FRMD4B: variants seen among roughly 807,000 people sequenced by gnomAD.
FRMD4B encodes FERM domain-containing protein 4B.
In FRMD4B, 74 loss-of-function variants were observed where a neutral mutation model predicts 141.5. The ratio of observed to expected loss-of-function variants is 0.52; its 90% CI spans 0.43 to 0.63. FRMD4B has a LOEUF of 0.63. Ranked by LOEUF, FRMD4B falls within the 30% of genes least tolerant of loss-of-function variation. The probability of loss-of-function intolerance (pLI) is 0.00; values close to 1 mark genes in which losing one functional copy is unlikely to be tolerated. For synonymous variants in FRMD4B, 506 were observed against 467.9 expected, an observed-to-expected ratio of 1.08 and a Z score of -1.05; for missense variants, 1,366 against 1,253.4, an observed-to-expected ratio of 1.09 and a Z score of -1.36.
intron 9 of FRMD4B, among the ~76,000 whole-genome samples, chr3:69,219,272 C>G (rs759643436): frequency 5.3e-5 from 8 of 151,922 alleles, no homozygotes; most frequent in Admixed American, 5.3e-4. Flanking sequence ...TTGGGGTGGA[C>G]TAAATTTTGT....
At chr3:69,249,847 C>T (rs1426480519) in intron 6 of FRMD4B, among the ~76,000 whole-genome samples, 196 bp downstream of exon 6, 1 of 152,136 alleles carries the variant, frequency 6.6e-6, no homozygotes, top group Non-Finnish European at 1.5e-5. Flanking sequence ...TTCTTTGAGA[C>T]TCACAATATC....
chr3:69,362,702 C>CA (rs1021201463), intron 1 of FRMD4B, among the ~76,000 whole-genome samples: 23 of 62,898 alleles, frequency 3.7e-4, no homozygotes, highest in Middle Eastern at 7.4e-3. Context: ...AAAAGCCAAC[C>CA]CCCCCCCCAA....
chr3:69,441,987 GC>G lies in FRMD4B; in HGVS notation c.-128-9227del, dbSNP rs375036509. ...GGCCCATTTCTACTCCTAAGAGATAGCTATTAAGTTTATTTGCATAAATCCA... is the reference window on the plus strand; with the variant it reads ...GGCCCATTTCTACTCCTAAGAGATAGTATTAAGTTTATTTGCATAAATCCA... On this transcript the variant is annotated intron_variant, in intron 1 of 5. Coordinates refer to the FRMD4B transcript ENST00000459638. Among the ~76,000 whole-genome samples the G allele has an allele frequency of 1.2e-3, 180 of 152,236 alleles. 1 individual carries two copies. The highest frequency in any genetic ancestry group is 4.0e-3 in the African/African-American group (167 of 41,532).
intron 19 of FRMD4B, among the ~76,000 whole-genome samples, chr3:69,187,552 AAT>A (rs1553696409): frequency 4.9e-5 from 7 of 143,596 alleles, no homozygotes; most frequent in African/African-American, 1.8e-4. Flanking sequence ...AAAAAAAAAA[AAT>A]ATATATATAT....
chr3:69,358,358 C>T (rs1703383572), intron 1 of FRMD4B, among the ~76,000 whole-genome samples: 1 of 152,174 alleles, frequency 6.6e-6, no homozygotes, highest in Non-Finnish European at 1.5e-5. Flanking sequence ...AGGAATCCCA[C>T]ATTTTCATTT....
chr3:69,203,483 G>T lies in FRMD4B; in HGVS notation c.877-4709C>A, dbSNP rs115003828. On this transcript the variant is annotated intron_variant, in intron 11 of 22. Coordinates refer to ENST00000398540, the MANE Select transcript of FRMD4B (RefSeq NM_015123.3). ...TTCCATCAACAGATATTTCTTGAGT[G>T]CCGTGTATGTTTGAGGTCTTGTTCT... Among the ~76,000 whole-genome samples, 737 of 152,246 alleles carry T rather than the reference G, an allele frequency of 4.8e-3. 9 individuals carry two copies. The highest frequency in any genetic ancestry group is 0.017 in the African/African-American group (709 of 41,552).
At position 69,499,691 on chromosome 3, in the gene FRMD4B, CAGAG is replaced by C. The variant is rs149911069; in HGVS notation, c.-129+42511_-129+42514del. On this transcript the variant is annotated intron_variant, in intron 1 of 5. Coordinates refer to the FRMD4B transcript ENST00000459638. ...ATTCTATCTGCAGAGAGCAGGAAGACAGAGAGAGAGAGAGAGAGAGAGATGGATT... is the reference window on the plus strand; with the variant it reads ...ATTCTATCTGCAGAGAGCAGGAAGACAGAGAGAGAGAGAGAGAGATGGATT... Among the ~76,000 whole-genome samples the C allele has an allele frequency of 8.0e-5, 12 of 149,436 alleles. 1 individual carries two copies. Among genetic ancestry groups the C allele is most frequent in the African/African-American group, 1.5e-4 (6 of 40,832 alleles).
At chr3:69,484,856 C>A (rs888506108) in intron 1 of FRMD4B, among the ~76,000 whole-genome samples, 1 of 152,160 alleles carries the variant, frequency 6.6e-6, no homozygotes, top group East Asian at 1.9e-4. Context: ...TGTGCTAACT[C>A]GTCCATGGGC....
intron 2 of FRMD4B, among the ~76,000 whole-genome samples, chr3:69,413,508 C>A (rs1357609672): frequency 1.3e-5 from 2 of 152,192 alleles, no homozygotes; most frequent in African/African-American, 2.4e-5. Flanking sequence ...AATACTTTCC[C>A]ACTATAGTGC....
intron 11 of FRMD4B, among the ~76,000 whole-genome samples, chr3:69,207,605 C>T (rs1017093105): frequency 4.6e-5 from 7 of 151,980 alleles, no homozygotes; most frequent in South Asian, 2.1e-4. Context: ...GTCAAGAGAT[C>T]GAAACCATCT....
intron 1 of FRMD4B, among the ~76,000 whole-genome samples, chr3:69,497,585 G>GTAA (rs970224266): frequency 2.0e-5 from 3 of 152,008 alleles, no homozygotes; most frequent in Admixed American, 6.6e-5. Context: ...AATAATAATA[G>GTAA]TAATAATAAT....
At chr3:69,452,106 A>C (rs560859847) in intron 1 of FRMD4B, among the ~76,000 whole-genome samples, 66 of 152,394 alleles carry the variant, frequency 4.3e-4, no homozygotes, top group African/African-American at 1.5e-3. Flanking sequence ...AGGAGGAAGA[A>C]GCATCATCAT....
intron 2 of FRMD4B, among the ~76,000 whole-genome samples, chr3:69,404,349 T>C (rs984702513): frequency 1.8e-4 from 28 of 152,354 alleles, no homozygotes; most frequent in African/African-American, 6.7e-4. Context: ...TCCAGAGGAT[T>C]CTTTCATAGT....
chr3:69,424,728 A>T (rs1321829851), intron 2 of FRMD4B, among the ~76,000 whole-genome samples: 11 of 152,224 alleles, frequency 7.2e-5, no homozygotes, highest in Admixed American at 7.2e-4. Context: ...ATATATGTTG[A>T]CTACCTTAAA....
chr3:69,344,332 G>T (rs1347249990), intron 1 of FRMD4B, among the ~76,000 whole-genome samples: 1 of 152,136 alleles, frequency 6.6e-6, no homozygotes, highest in Non-Finnish European at 1.5e-5. Context: ...TGGAAAGGAA[G>T]AAAGAAGGGG....
At chr3:69,236,848 C>T (rs930374467) in intron 7 of FRMD4B, among the ~76,000 whole-genome samples, 2 of 152,184 alleles carry the variant, frequency 1.3e-5, no homozygotes, top group South Asian at 4.1e-4. Flanking sequence ...AAGCAGAAAG[C>T]TAGAGCTCAA....
At chr3:69,451,080 A>T (rs1705489880) in intron 1 of FRMD4B, among the ~76,000 whole-genome samples, 2 of 151,980 alleles carry the variant, frequency 1.3e-5, no homozygotes, top group South Asian at 4.2e-4. Context: ...CCCTCCTTCC[A>T]CTCCGAGCCT....
At chr3:69,379,858 G>A (rs1704069182) in intron 1 of FRMD4B, among the ~76,000 whole-genome samples, 1 of 152,222 alleles carries the variant, frequency 6.6e-6, no homozygotes, top group African/African-American at 2.4e-5. Flanking sequence ...GGATGAGCCT[G>A]GCTGTGAGCC....
chr3:69,225,519 CAAAAAA>C (rs35855787), intron 7 of FRMD4B, among the ~76,000 whole-genome samples: 33 of 50,580 alleles, frequency 6.5e-4, no homozygotes, highest in South Asian at 1.2e-3. Context: ...ACTAAAAATA[CAAAAAA>C]AAAAAAAAAA....
Sources: allele counts gnomAD v4.1 joint callset (sites outside exome capture counted in the v4.1 genomes callset), GRCh38; gene constraint gnomAD v4.1.1; transcripts MANE v1.5; gene names NCBI Gene and HGNC (gene_info 2026-07-23, HGNC 2026-07-21).